PRKCA: variants seen among roughly 807,000 people sequenced by gnomAD.
The protein encoded by PRKCA is protein kinase C alpha type.
Under a neutral mutation model 87.0 loss-of-function variants are expected in PRKCA, and 27 were observed. The observed-to-expected ratio is 0.31, with a 90% CI of 0.23 to 0.43. PRKCA has a LOEUF of 0.43. PRKCA is among the 20% of genes least tolerant of loss of function. PRKCA has a pLI of 1.00. For synonymous variants in PRKCA, 329 were observed against 311.1 expected, an observed-to-expected ratio of 1.06 and a Z score of -0.61; for missense variants, 518 against 852.3, an observed-to-expected ratio of 0.61 and a Z score of 4.88.
intron 16 of PRKCA, among the ~76,000 whole-genome samples, chr17:66,798,538 GAC>G (rs1975758109): frequency 2.6e-5 from 1 of 38,998 alleles, no homozygotes; most frequent in Non-Finnish European, 5.8e-5. Context: ...TGATGGTGGT[GAC>G]GGTGGTGGTG....
chr17:66,709,066 A>G (rs1973254696), intron 8 of PRKCA, among the ~76,000 whole-genome samples: 1 of 152,198 alleles, frequency 6.6e-6, no homozygotes, highest in Non-Finnish European at 1.5e-5. Context: ...ACAAAGCCTT[A>G]CTGAGCACGT....
At chr17:66,475,111 C>G (rs2144029492) in intron 2 of PRKCA, among the ~76,000 whole-genome samples, 1 of 152,320 alleles carries the variant, frequency 6.6e-6, no homozygotes, top group African/African-American at 2.4e-5. Context: ...TCTTCCCTTT[C>G]AGGTGAATCC....
Position 66,713,353 on chromosome 17 carries a change from T to A in PRKCA, c.919-19335T>A, listed in dbSNP as rs558567497. On this transcript the variant is annotated intron_variant, in intron 8 of 16. Transcript: ENST00000413366. ...TCGTGAGCCACCGCATCCGACCTCA[T>A]TGTGCTTTCTAAACCACTCCCGGGC... Among the ~76,000 whole-genome samples the A allele has an allele frequency of 1.1e-4, 16 of 152,188 alleles. No homozygotes were observed. The East Asian group carries it at 3.1e-3, about 29-fold the overall frequency.
chr17:66,590,537 A>G (rs1271344012), intron 3 of PRKCA, among the ~76,000 whole-genome samples: 5 of 152,156 alleles, frequency 3.3e-5, no homozygotes, highest in Non-Finnish European at 7.4e-5. Flanking sequence ...GATGAATACC[A>G]GCTCTCAGAA....
In PRKCA at chr17:66,806,839, A is replaced by C. The variant is rs113350929; in HGVS notation, c.*2802A>C. 1.4e-4 allele frequency: 22 copies of C among 152,278 alleles called. No individual in the cohort carries two copies. The highest frequency in any genetic ancestry group is 4.8e-4 in the African/African-American group (20 of 41,452). 9.4% of individuals were successfully genotyped at this position (152,278 alleles called of 1,614,324 possible). Reference sequence around the variant, plus strand: ...GTGCCCAGCACACTGCCTGAGGGACAACAGACATCAGAACAAACCCCCAGA... The same window carrying C: ...GTGCCCAGCACACTGCCTGAGGGACCACAGACATCAGAACAAACCCCCAGA... On this transcript the variant is annotated 3_prime_UTR_variant, in exon 17 of 17. Transcript: ENST00000413366.
At chr17:66,738,923 T>TTC (rs397816341) in intron 11 of PRKCA, 68 bp downstream of exon 11, 132 of 1,310,966 alleles carry the variant, frequency 1.0e-4, no homozygotes, top group South Asian at 3.2e-4. Flanking sequence ...CTTCCTTTTT[T>TTC]CCCCCCCGCT....
intron 2 of PRKCA, among the ~76,000 whole-genome samples, chr17:66,331,005 C>T (rs966559483): frequency 6.6e-6 from 1 of 152,184 alleles, no homozygotes; most frequent in African/African-American, 2.4e-5. Flanking sequence ...GGAGCAACTC[C>T]ATAAATTAAC....
chr17:66,471,864 G>A (rs1915342471), intron 2 of PRKCA, among the ~76,000 whole-genome samples: 1 of 152,164 alleles, frequency 6.6e-6, no homozygotes, highest in Admixed American at 6.5e-5. Flanking sequence ...GGGTCACTGT[G>A]AACCATGTGG....
chr17:66,453,567 C>T (rs1451426024), intron 2 of PRKCA, among the ~76,000 whole-genome samples: 2 of 152,126 alleles, frequency 1.3e-5, no homozygotes, highest in Admixed American at 6.5e-5. Context: ...ATCCGCCCAC[C>T]TCAGCCTCCC....
At chr17:66,361,581 G>A (rs769363126) in intron 2 of PRKCA, among the ~76,000 whole-genome samples, 1 of 152,122 alleles carries the variant, frequency 6.6e-6, no homozygotes, top group Non-Finnish European at 1.5e-5. Flanking sequence ...AAAATGCTAG[G>A]ATTATAGGTG....
chr17:66,356,773 G>T (rs536033335), intron 2 of PRKCA, among the ~76,000 whole-genome samples: 79 of 152,182 alleles, frequency 5.2e-4, no homozygotes, highest in African/African-American at 1.8e-3. Context: ...TAAAAAATAG[G>T]GTCTTACTCC....
chr17:66,389,246 C>T (rs1350498635), intron 2 of PRKCA, among the ~76,000 whole-genome samples: 1 of 152,162 alleles, frequency 6.6e-6, no homozygotes, highest in East Asian at 1.9e-4. Context: ...CGTTAAATTT[C>T]ACTTTAATAC....
intron 3 of PRKCA, among the ~76,000 whole-genome samples, chr17:66,559,012 C>A (rs2086541662): frequency 6.6e-6 from 1 of 152,182 alleles, no homozygotes; most frequent in Non-Finnish European, 1.5e-5. Flanking sequence ...TGCTTGCCAT[C>A]CCCATGCATT....
At chr17:66,327,037 C>G (rs1392182664) in intron 2 of PRKCA, among the ~76,000 whole-genome samples, 1 of 152,004 alleles carries the variant, frequency 6.6e-6, no homozygotes, top group African/African-American at 2.4e-5. Context: ...CCACTGCACT[C>G]CAGCCTGAGT....
chr17:66,511,510 G>A (rs1917227697), intron 3 of PRKCA, among the ~76,000 whole-genome samples: 1 of 152,078 alleles, frequency 6.6e-6, no homozygotes, highest in Admixed American at 6.6e-5. Flanking sequence ...TTAAGAATTG[G>A]TAACTGGGAA....
intron 3 of PRKCA, among the ~76,000 whole-genome samples, chr17:66,614,882 G>A (rs887435878): frequency 6.6e-6 from 1 of 152,122 alleles, no homozygotes; most frequent in South Asian, 2.1e-4. Context: ...AGAATTGGAT[G>A]CAGCTGTATA....
chr17:66,465,301 G>T (rs1396153273), intron 2 of PRKCA, among the ~76,000 whole-genome samples: 1 of 152,202 alleles, frequency 6.6e-6, no homozygotes, highest in Non-Finnish European at 1.5e-5. Flanking sequence ...ACTTCCCTAA[G>T]AAACTGATAG....
At chr17:66,642,891 A>C (rs1971343711) in intron 4 of PRKCA, among the ~76,000 whole-genome samples, 1 of 151,996 alleles carries the variant, frequency 6.6e-6, no homozygotes, top group African/African-American at 2.4e-5. Context: ...AAAAATGCAA[A>C]ATTAGTCTGG....
intron 3 of PRKCA, among the ~76,000 whole-genome samples, chr17:66,627,849 G>A (rs909375114): frequency 1.3e-5 from 2 of 152,108 alleles, no homozygotes; most frequent in African/African-American, 4.8e-5. Context: ...CCAATTCCTG[G>A]TTTTAGAAAA....
Sources: allele counts gnomAD v4.1 joint callset (sites outside exome capture counted in the v4.1 genomes callset), GRCh38; gene constraint gnomAD v4.1.1; transcripts MANE v1.5; gene names NCBI Gene and HGNC (gene_info 2026-07-23, HGNC 2026-07-21).